The following TGM7 variants were observed in gnomAD, a reference collection of about 807,000 sequenced individuals.
TGM7 encodes transglutaminase 7, also known as protein-glutamine gamma-glutamyltransferase Z.
TGM7 carries 74 observed loss-of-function variants against 79.5 expected under a neutral mutation model. That is an observed-to-expected ratio of 0.93 (90% confidence interval 0.77 to 1.13). TGM7 has a LOEUF of 1.13. Ranked by LOEUF, TGM7 falls within the 50% of genes most tolerant of loss-of-function variation. TGM7 has a pLI of 0.00. For synonymous variants in TGM7, 354 were observed against 362.5 expected (o/e 0.98, Z 0.27); for missense variants, 912 against 905.9 (o/e 1.01, Z -0.09).
chr15:43,291,928 G>A (rs1019311489), intron 4 of TGM7, 51 bp downstream of exon 4: 1 of 1,350,930 alleles, frequency 7.4e-7, no homozygotes, highest in East Asian at 2.3e-5. Context: ...GGTTGTGTAA[G>A]GACCAGCCTT....
intron 1 of TGM7, among the ~76,000 whole-genome samples, chr15:43,297,585 T>TAAAGAAAG (rs1470829476): frequency 6.7e-5 from 2 of 29,918 alleles, no homozygotes; most frequent in South Asian, 2.1e-3. Flanking sequence ...CATCTGCATG[T>TAAAGAAAG]ATAGAAAGAA....
chr15:43,276,678 G>T, intron 12 of TGM7, 64 bp from the exon 13 acceptor site: 3 of 1,570,522 alleles, frequency 1.9e-6, no homozygotes, highest in Non-Finnish European at 2.6e-6. Flanking sequence ...GGGTGATCTG[G>T]TTCCCCTCTG....
chr15:43,289,808 T>C (rs897016413), intron 4 of TGM7, among the ~76,000 whole-genome samples: 26 of 152,276 alleles, frequency 1.7e-4, no homozygotes, highest in Non-Finnish European at 3.8e-4. Flanking sequence ...ATTTCTCTGA[T>C]GGCCAGTGAT....
At chr15:43,283,465 GCTCT>G (rs889703861) in intron 7 of TGM7, among the ~76,000 whole-genome samples, 1 of 139,580 alleles carries the variant, frequency 7.2e-6, no homozygotes, top group Non-Finnish European at 1.5e-5. Flanking sequence ...ACAATCTCTC[GCTCT>G]CTCTCTTTTT....
intron 6 of TGM7, 144 bp downstream of exon 6, chr15:43,287,136 T>G: frequency 1.2e-6 from 1 of 868,754 alleles, no homozygotes; most frequent in Admixed American, 2.5e-5. Context: ...CCCTCGAGAC[T>G]GTATGGTGTG....
chr15:43,293,047 C>T (rs932707001), intron 2 of TGM7, 93 bp from the exon 3 acceptor site: 1 of 1,522,898 alleles, frequency 6.6e-7, no homozygotes, highest in African/African-American at 1.4e-5. Flanking sequence ...CCTTCTCCCA[C>T]CACCTGCTAA....
chr15:43,287,168 C>G, intron 6 of TGM7, 112 bp downstream of exon 6: 1 of 1,332,406 alleles, frequency 7.5e-7, no homozygotes, highest in South Asian at 1.4e-5. Flanking sequence ...CCTGGGTGCC[C>G]ACCACCCCCA....
chr15:43,298,776 A>G (rs2043012644), intron 1 of TGM7, among the ~76,000 whole-genome samples: 1 of 152,138 alleles, frequency 6.6e-6, no homozygotes, highest in South Asian at 2.1e-4. Context: ...AAATAAAATA[A>G]AAATAAAAGA....
At position 43,292,111 on chromosome 15, in the gene TGM7, A is replaced by T. The variant is rs1410606359; in HGVS notation, c.440-14T>A. 6.3e-7 allele frequency: 1 copy of T among 1,595,440 alleles called. No individual in the cohort carries two copies. The highest frequency in any genetic ancestry group is 1.7e-5 in the Admixed American group (1 of 59,760). On this transcript the variant is annotated splice_polypyrimidine_tract_variant and intron_variant, in intron 3 of 12. Coordinates refer to ENST00000452443, the MANE Select transcript of TGM7 (RefSeq NM_052955.3). ...AGACGTCGTCCTCTGAGCAGTTAAGAGTAGTGGAGGGGGCAAAACCCCAAA... is the reference window on the plus strand; with the variant it reads ...AGACGTCGTCCTCTGAGCAGTTAAGTGTAGTGGAGGGGGCAAAACCCCAAA...
At chr15:43,280,484 A>G (rs763201118) in intron 9 of TGM7, among the ~76,000 whole-genome samples, 5 of 152,146 alleles carry the variant, frequency 3.3e-5, no homozygotes, top group African/African-American at 4.8e-5. Flanking sequence ...TTAGCTGGGC[A>G]TGGTGATGGG....
chr15:43,291,653 G>A (rs755733059), intron 4 of TGM7, among the ~76,000 whole-genome samples: 1 of 152,182 alleles, frequency 6.6e-6, no homozygotes, highest in Non-Finnish European at 1.5e-5. Flanking sequence ...GCAAACCCCC[G>A]GTGTTGATGA....
chr15:43,297,587 T>TATAAAGAAAGAAAGAA, intron 1 of TGM7, among the ~76,000 whole-genome samples: 1 of 114,570 alleles, frequency 8.7e-6, no homozygotes, highest in South Asian at 3.2e-4. Flanking sequence ...TCTGCATGTA[T>TATAAAGAAAGAAAGAA]AGAAAGAAAG....
chr15:43,281,984 T>G lies in TGM7; in HGVS notation c.1211A>C (p.Glu404Ala). The G allele has an allele frequency of 6.2e-7, 1 of 1,614,076 alleles. No homozygotes were observed. The highest frequency in any genetic ancestry group is 1.3e-5 in the African/African-American group (1 of 74,984). Residue 404 changes from glutamate to alanine, a missense_variant, in exon 9 of 13, where the codon GAA (glutamate) becomes GCA (alanine). Transcript: ENST00000452443. ...GCCATCCCCAAGGAGCCAAATGACT[T>G]CATCGGCGTTCACCTCGGCATACAC... ...PFVYAEVNAD[E>A]VIWLLGDGQA... is the part of the protein sequence containing the mutation.
chr15:43,292,124 G>C (rs762077607), intron 3 of TGM7, 27 bp from the exon 4 acceptor site: 1 of 1,533,148 alleles, frequency 6.5e-7, no homozygotes, highest in South Asian at 1.1e-5. Context: ...AGTGGAGGGG[G>C]CAAAACCCCA....
intron 2 of TGM7, 113 bp from the exon 3 acceptor site, chr15:43,293,067 C>T (rs2042972114): frequency 5.5e-6 from 8 of 1,442,818 alleles, no homozygotes; most frequent in Non-Finnish European, 7.5e-6. Flanking sequence ...ATGCTTTTGG[C>T]TTTTACTGCC....
rs776987522 is a variant in TGM7 at position 43,292,025 on chromosome 15, T to A, written c.512A>T (p.Lys171Met). Residue 171 changes from lysine to methionine, a missense_variant, in exon 4 of 13, where the codon AAG (lysine) becomes ATG (methionine). By Grantham distance (95) the Lys-to-Met change is moderately conservative (BLOSUM62 -1). Transcript: ENST00000452443. ...YIMRDYGFVY[K>M]GHERFITSWP... ...GGAGGTGATGAATCTTTCATGACCC[T>A]TGTAAACAAAGCCATAATCTCGCAT... 5.0e-6 allele frequency: 8 copies of A among 1,613,978 alleles called. No individual in the cohort carries two copies. In the Admixed American group the frequency reaches 1.2e-4, roughly 24 times the overall value.
At position 43,280,071 on chromosome 15, in the gene TGM7, C is replaced by T. The variant is rs1178860954; in HGVS notation, c.1352-120G>A. 5 of 834,194 alleles carry T rather than the reference C, an allele frequency of 6.0e-6. No homozygotes were observed. The East Asian group carries it at 7.8e-5, about 13-fold the overall frequency. The allele number at this position is 834,194 out of a possible 1,614,324, so 51.7% of individuals were successfully genotyped here. A position where few individuals can be genotyped will look rare whatever the true frequency, so the allele number is the denominator to read the frequency against. ...GGGAGGCGGCGCGGCTCAGGTGCTG[C>T]TTGCTGGGTTCAAATCCTTGCTCTG... On this transcript the variant is annotated intron_variant, in intron 9 of 12. Transcript: ENST00000452443.
At position 43,287,371 on chromosome 15, in the gene TGM7, G is replaced by T; in HGVS notation, c.774C>A (p.Gly258=). ...SKGVSPLEWK[G]SVAILQQWSA... ...ACCACTGCTGTAGGATGGCCACACT[G>T]CCCTTCCACTCCAGAGGACTGACCC... The change falls in exon 6 of 13, where the codon GGC becomes GGA. Residue 258 remains glycine, a synonymous_variant. Transcript: ENST00000452443. The T allele has an allele frequency of 6.2e-7, 1 of 1,614,174 alleles. No homozygotes were observed. Among genetic ancestry groups the T allele is most frequent in the Non-Finnish European group, 8.5e-7 (1 of 1,180,018 alleles).
At chr15:43,282,479 C>T in intron 8 of TGM7, 38 bp downstream of exon 8, 3 of 1,531,720 alleles carry the variant, frequency 2.0e-6, no homozygotes, top group Middle Eastern at 3.4e-4. Flanking sequence ...ATCTGCCTCC[C>T]CACAGAGCCA....
Sources: gnomAD v4.1 joint callset for allele counts (sites outside exome capture counted in the v4.1 genomes callset) on GRCh38, gnomAD v4.1.1 for gene constraint, MANE v1.5 for transcripts, NCBI Gene and HGNC (gene_info 2026-07-23, HGNC 2026-07-21) for gene names.